Variants in EGLN3 observed in about 807,000 individuals in gnomAD.
EGLN3 encodes egl-9 family hypoxia inducible factor 3.
Under a neutral mutation model 26.0 loss-of-function variants are expected in EGLN3, and 15 were observed. The observed-to-expected ratio is 0.58, with a 90% CI of 0.39 to 0.89. EGLN3 has a LOEUF of 0.89. EGLN3 is among the 40% of genes least tolerant of loss of function. The pLI, the probability that EGLN3 is intolerant of heterozygous loss-of-function variation, is 0.00. For missense variants in EGLN3, 238 were observed against 311.6 expected, an observed-to-expected ratio of 0.76 and a Z score of 1.78; for synonymous variants, 147 against 127.2, an observed-to-expected ratio of 1.16 and a Z score of -1.05.
At chr14:33,942,295 TAA>T (rs35056523) in intron 1 of EGLN3, among the ~76,000 whole-genome samples, 45 of 139,868 alleles carry the variant, frequency 3.2e-4, no homozygotes, top group Admixed American at 3.6e-4. Context: ...AAAGTTTAGT[TAA>T]AAAAAAAAAA....
chr14:33,927,028 G>T lies in EGLN3; in HGVS notation c.620C>A (p.Ala207Asp). ...EVQPSYATRY[A>D]MTVWYFDAEE... ...AGCATCAAAGTACCAGACAGTCATA[G>T]CATATCTGTGAAAGATAAGCAGATA... is the stretch of plus-strand genomic sequence containing the variant. Residue 207 changes from alanine (A) to aspartate (D), a missense_variant, in exon 4 of 5, where the codon GCT becomes GAT. By Grantham distance (126) the Ala-to-Asp change is moderately radical. Transcript: ENST00000250457. 6.3e-7 allele frequency: 1 copy of T among 1,596,236 alleles called. No homozygotes were observed. The highest frequency in any genetic ancestry group is 8.5e-7 in the Non-Finnish European group (1 of 1,171,488).
Position 33,950,377 on chromosome 14 carries a change from G to T in EGLN3, c.357+19C>A, listed in dbSNP as rs757568811. The T allele has an allele frequency of 6.2e-7, 1 of 1,611,008 alleles. No homozygotes were observed. The highest frequency in any genetic ancestry group is 8.5e-7 in the Non-Finnish European group (1 of 1,178,414). Reference sequence around the variant, plus strand: ...GTCCCCGCGGGAGCAGCTGCGGCAGGGCGCCGAGCGCGTCCTACCTTAGAC... The same window carrying T: ...GTCCCCGCGGGAGCAGCTGCGGCAGTGCGCCGAGCGCGTCCTACCTTAGAC... On this transcript the variant is annotated intron_variant, in intron 1 of 4. Transcript: ENST00000250457.
intron 1 of EGLN3, among the ~76,000 whole-genome samples, chr14:33,939,532 A>C (rs1230614592): frequency 6.6e-6 from 1 of 152,198 alleles, no homozygotes; most frequent in Non-Finnish European, 1.5e-5. Flanking sequence ...AAACAGGAGA[A>C]ACCTACATAT....
chr14:33,939,184 TG>T (rs1381315952), intron 1 of EGLN3, among the ~76,000 whole-genome samples: 1 of 151,750 alleles, frequency 6.6e-6, no homozygotes, highest in Non-Finnish European at 1.5e-5. Flanking sequence ...CAAAATGTCA[TG>T]AAAAATGCCT....
chr14:33,935,820 G>C (rs934529573), intron 1 of EGLN3, among the ~76,000 whole-genome samples: 9 of 151,888 alleles, frequency 5.9e-5, no homozygotes, highest in African/African-American at 2.2e-4. Flanking sequence ...CTGACACCTC[G>C]CTCCATCAAG....
At chr14:33,946,885 A>G (rs1456087702) in intron 1 of EGLN3, among the ~76,000 whole-genome samples, 3 of 152,232 alleles carry the variant, frequency 2.0e-5, no homozygotes, top group Non-Finnish European at 4.4e-5. Context: ...ACTGAGCCTG[A>G]GCTCCCAGCC....
At chr14:33,926,813 G>A (rs2064365289) in intron 4 of EGLN3, 147 bp downstream of exon 4, 1 of 483,524 alleles carries the variant, frequency 2.1e-6, no homozygotes, top group Non-Finnish European at 3.4e-6. Flanking sequence ...CTAAGGCCAA[G>A]GTTTCAGGAT....
At chr14:33,934,771 A>G (rs2064429266) in intron 1 of EGLN3, among the ~76,000 whole-genome samples, 1 of 152,232 alleles carries the variant, frequency 6.6e-6, no homozygotes, top group Non-Finnish European at 1.5e-5. Flanking sequence ...ATGATTTGAG[A>G]CAGATTCACT....
At chr14:33,930,279 T>G (rs1023906646) in intron 2 of EGLN3, among the ~76,000 whole-genome samples, 3 of 152,230 alleles carry the variant, frequency 2.0e-5, no homozygotes, top group Non-Finnish European at 2.9e-5. Context: ...TGTATTCCAG[T>G]CATGTTACCA....
intron 3 of EGLN3, among the ~76,000 whole-genome samples, chr14:33,927,951 G>GT (rs1345030612): frequency 1.8e-4 from 27 of 150,910 alleles, no homozygotes; most frequent in South Asian, 4.2e-4. Context: ...TTCATGCTTG[G>GT]TTTTTTTTTA....
chr14:33,945,771 T>C (rs528997385), intron 1 of EGLN3, among the ~76,000 whole-genome samples: 31 of 152,372 alleles, frequency 2.0e-4, no homozygotes, highest in Admixed American at 2.0e-3. Context: ...CACTTCATAG[T>C]ACATTGCTTC....
chr14:33,927,301 T>C (rs933826086), intron 3 of EGLN3, among the ~76,000 whole-genome samples: 1 of 151,966 alleles, frequency 6.6e-6, no homozygotes, highest in African/African-American at 2.4e-5. Flanking sequence ...CCCAAGTAGC[T>C]GGGACTACAG....
At chr14:33,936,504 G>A (rs904138946) in intron 1 of EGLN3, among the ~76,000 whole-genome samples, 1 of 152,130 alleles carries the variant, frequency 6.6e-6, no homozygotes, top group Admixed American at 6.5e-5. Context: ...TTTAACACAC[G>A]CCTTGACTGT....
chr14:33,935,904 C>T (rs1280634837), intron 1 of EGLN3, among the ~76,000 whole-genome samples: 7 of 152,064 alleles, frequency 4.6e-5, no homozygotes, highest in African/African-American at 7.2e-5. Flanking sequence ...TAAGGCACAA[C>T]GACACAGGCA....
At chr14:33,925,971 G>A in intron 4 of EGLN3, 49 bp from the exon 5 acceptor site, 1 of 1,591,674 alleles carries the variant, frequency 6.3e-7, no homozygotes, top group Non-Finnish European at 8.6e-7. Context: ...AGTCAGCTCT[G>A]ATGAGTTTTA....
intron 1 of EGLN3, chr14:33,949,149 T>C (rs1388633617): frequency 6.6e-6 from 1 of 152,216 alleles, no homozygotes; most frequent in African/African-American, 2.4e-5. Flanking sequence ...ATTCTATTCA[T>C]GGCCTCTTGG....
At chr14:33,932,324 C>G (rs1209566186) in intron 1 of EGLN3, among the ~76,000 whole-genome samples, 1 of 152,144 alleles carries the variant, frequency 6.6e-6, no homozygotes, top group African/African-American at 2.4e-5. Flanking sequence ...TTACCTAGAT[C>G]AATAGCTATT....
At chr14:33,944,552 G>T in intron 1 of EGLN3, among the ~76,000 whole-genome samples, 1 of 152,224 alleles carries the variant, frequency 6.6e-6, no homozygotes, top group East Asian at 1.9e-4. Context: ...TATCTCTCTA[G>T]CCCTAAAAAC....
At chr14:33,936,430 G>A (rs1387542142) in intron 1 of EGLN3, among the ~76,000 whole-genome samples, 1 of 152,070 alleles carries the variant, frequency 6.6e-6, no homozygotes, top group African/African-American at 2.4e-5. Flanking sequence ...TCAGCTGTGG[G>A]TAGAGGAGCT....
Sources: gnomAD v4.1 joint callset for allele counts (sites outside exome capture counted in the v4.1 genomes callset) on GRCh38, gnomAD v4.1.1 for gene constraint, MANE v1.5 for transcripts, NCBI Gene and HGNC (gene_info 2026-07-23, HGNC 2026-07-21) for gene names.